Variants in DHRSX observed in about 807,000 individuals in gnomAD.
DHRSX encodes dehydrogenase/reductase X-linked, also known as polyprenol dehydrogenase.
Under a neutral mutation model 34.0 loss-of-function variants are expected in DHRSX, and 31 were observed. That is an observed-to-expected ratio of 0.91 (90% CI 0.69 to 1.23). The LOEUF is 1.23. DHRSX is among the 50% of genes most tolerant of loss of function. The probability of loss-of-function intolerance (pLI) is 0.00; values close to 1 mark genes in which losing one functional copy is unlikely to be tolerated. For synonymous variants in DHRSX, 201 were observed against 183.8 expected (o/e 1.09, Z -0.76); for missense variants, 414 against 428.1 (o/e 0.97, Z 0.29).
intron 1 of DHRSX, among the ~76,000 whole-genome samples, chrX:2,474,456 GA>G (rs374323779): frequency 2.6e-5 from 4 of 151,106 alleles, no homozygotes; most frequent in African/African-American, 7.3e-5. Context: ...CATTCCCTAA[GA>G]ATGCAGCCAA....
intron 1 of DHRSX, among the ~76,000 whole-genome samples, chrX:2,481,257 C>T (rs761279008): frequency 7.9e-5 from 12 of 152,256 alleles, no homozygotes; most frequent in African/African-American, 2.9e-4. Flanking sequence ...GTCCCAGTTT[C>T]GAGGACAGCT....
intron 5 of DHRSX, among the ~76,000 whole-genome samples, chrX:2,246,693 GA>G (rs1235008413): frequency 2.3e-4 from 15 of 66,588 alleles, no homozygotes; most frequent in South Asian, 2.2e-3. Flanking sequence ...AAAAAGAAAA[GA>G]AAAGAAAGAA....
chrX:2,420,831 A>G (rs959143365), intron 2 of DHRSX, among the ~76,000 whole-genome samples: 87 of 152,300 alleles, frequency 5.7e-4, no homozygotes, highest in African/African-American at 1.9e-3. Flanking sequence ...ATGGAAAGAA[A>G]GAGACTGATA....
At chrX:2,265,943 C>G (rs865973760) in intron 5 of DHRSX, among the ~76,000 whole-genome samples, 1 of 123,442 alleles carries the variant, frequency 8.1e-6, no homozygotes, top group Non-Finnish European at 1.7e-5. Context: ...GGAGCACTGT[C>G]CCCAGAGCAC....
At chrX:2,455,400 G>T (rs2044282064) in intron 1 of DHRSX, among the ~76,000 whole-genome samples, 1 of 151,076 alleles carries the variant, frequency 6.6e-6, no homozygotes, top group Non-Finnish European at 1.5e-5. Flanking sequence ...CCCAGGACAT[G>T]CAATTTACCC....
At chrX:2,487,811 G>C (rs2044986305) in intron 1 of DHRSX, 1 of 151,330 alleles carries the variant, frequency 6.6e-6, no homozygotes, top group Non-Finnish European at 1.5e-5. Flanking sequence ...TAAAAAAAAA[G>C]GTCTCTCTTT....
rs1046638246 is a variant in DHRSX at position 2,431,032 on chromosome X, C to CA, written c.110-5729dup. 9.4e-4 allele frequency among the ~76,000 whole-genome samples: 133 copies of CA among 141,352 alleles called. 1 individual carries two copies. Among genetic ancestry groups the CA allele is most frequent in the African/African-American group, 3.3e-3 (125 of 37,992 alleles). 92.7% of individuals were successfully genotyped at this position (141,352 alleles called of 152,430 possible). A position where few individuals can be genotyped will look rare whatever the true frequency, so the allele number is the denominator to read the frequency against. ...AGAGCAAGACTGTCTCAAAACAAAA[C>CA]AAAAAAAAGACGGCCGGGCACGGTG... is the stretch of plus-strand genomic sequence containing the variant. On this transcript the variant is annotated intron_variant, in intron 1 of 6. Coordinates refer to ENST00000334651, the MANE Select transcript of DHRSX (RefSeq NM_145177.3).
At chrX:2,282,820 G>A (rs868712388) in intron 4 of DHRSX, among the ~76,000 whole-genome samples, 3,110 of 133,422 alleles carry the variant, frequency 0.023, 175 homozygotes, top group African/African-American at 0.087. Context: ...GAAAGAGAGA[G>A]AGGGAGAGAG....
At chrX:2,337,409 G>A (rs894923887) in intron 3 of DHRSX, among the ~76,000 whole-genome samples, 2 of 152,124 alleles carry the variant, frequency 1.3e-5, no homozygotes, top group African/African-American at 4.8e-5. Context: ...AAAGAAGCAA[G>A]ACAGGGAGTG....
intron 6 of DHRSX, among the ~76,000 whole-genome samples, chrX:2,242,559 A>G (rs1303998718): frequency 6.6e-6 from 1 of 152,072 alleles, no homozygotes; most frequent in African/African-American, 2.4e-5. Context: ...AGGTTGCTAC[A>G]AGGTACAGGT....
At chrX:2,411,392 C>T (rs1160608951) in intron 2 of DHRSX, among the ~76,000 whole-genome samples, 7 of 151,536 alleles carry the variant, frequency 4.6e-5, no homozygotes, top group Non-Finnish European at 8.8e-5. Flanking sequence ...CTACTAAAAA[C>T]ACAAAAATTA....
chrX:2,475,039 A>C (rs1323355625), intron 1 of DHRSX, among the ~76,000 whole-genome samples: 1 of 151,960 alleles, frequency 6.6e-6, no homozygotes, highest in Non-Finnish European at 1.5e-5. Flanking sequence ...CACCATGTAT[A>C]CACTGAAGAC....
At chrX:2,401,499 G>C (rs1235437703) in intron 3 of DHRSX, among the ~76,000 whole-genome samples, 1 of 152,182 alleles carries the variant, frequency 6.6e-6, no homozygotes, top group African/African-American at 2.4e-5. Context: ...CTTCCAAAGA[G>C]GATACACAGC....
intron 3 of DHRSX, among the ~76,000 whole-genome samples, chrX:2,297,659 A>G (rs1207501390): frequency 1.3e-5 from 2 of 151,996 alleles, no homozygotes; most frequent in African/African-American, 4.8e-5. Flanking sequence ...GGGTCTCTCT[A>G]TGTTGCCAAG....
intron 5 of DHRSX, among the ~76,000 whole-genome samples, chrX:2,244,985 C>T (rs1188298542): frequency 1.3e-5 from 2 of 152,118 alleles, no homozygotes; most frequent in Non-Finnish European, 2.9e-5. Context: ...GCTGGGATTA[C>T]AGGCATGAGC....
intron 5 of DHRSX, among the ~76,000 whole-genome samples, chrX:2,263,807 G>A (rs372367456): frequency 6.6e-6 from 1 of 152,218 alleles, no homozygotes; most frequent in South Asian, 2.1e-4. Context: ...CACCACACCC[G>A]GACTGCTGGA....
chrX:2,414,495 A>G (rs1447314090), intron 2 of DHRSX, among the ~76,000 whole-genome samples: 1 of 151,732 alleles, frequency 6.6e-6, no homozygotes, highest in Non-Finnish European at 1.5e-5. Context: ...CCTCATCACG[A>G]CCTAATACAA....
chrX:2,346,069 C>T (rs1201789642), intron 3 of DHRSX, among the ~76,000 whole-genome samples: 2 of 152,148 alleles, frequency 1.3e-5, no homozygotes, highest in Non-Finnish European at 2.9e-5. Context: ...TAGGTGAACG[C>T]CAAGGAGGAA....
chrX:2,373,563 G>T (rs1037920321), intron 3 of DHRSX, among the ~76,000 whole-genome samples: 10 of 152,160 alleles, frequency 6.6e-5, no homozygotes, highest in African/African-American at 2.4e-4. Flanking sequence ...AACCACGGCT[G>T]CTGCAAGGAA....
Sources: gnomAD v4.1 joint callset for allele counts (sites outside exome capture counted in the v4.1 genomes callset) on GRCh38, gnomAD v4.1.1 for gene constraint, MANE v1.5 for transcripts, NCBI Gene and HGNC (gene_info 2026-07-23, HGNC 2026-07-21) for gene names.